Variants in COL23A1 observed in about 807,000 individuals in gnomAD.
The protein encoded by COL23A1 is collagen alpha-1(XXIII) chain.
In COL23A1, 97 loss-of-function variants were observed where a neutral mutation model predicts 99.3. The ratio of observed to expected loss-of-function variants is 0.98; its 90% CI spans 0.83 to 1.16. The LOEUF is 1.16. Among genes scored for constraint, COL23A1 ranks in the 50% most tolerant of loss-of-function variants. The probability of loss-of-function intolerance (pLI) is 0.00; values close to 1 mark genes in which losing one functional copy is unlikely to be tolerated. For missense variants in COL23A1, 762 were observed against 757.4 expected (o/e 1.01, Z -0.07); for synonymous variants, 320 against 308.2 (o/e 1.04, Z -0.40).
At chr5:178,414,411 A>T (rs1105021) in intron 2 of COL23A1, among the ~76,000 whole-genome samples, 517 of 17,732 alleles carry the variant, frequency 0.029, 1 homozygote, top group African/African-American at 0.27. Flanking sequence ...TCCTTTTTTT[A>T]AAAAAAAAAA....
In COL23A1 at chr5:178,253,703, G is replaced by A. The variant is rs1262050068; in HGVS notation, c.961-1106C>T. Among the ~76,000 whole-genome samples, 9 of 151,766 alleles carry A rather than the reference G, an allele frequency of 5.9e-5. 1 individual carries two copies. The highest frequency in any genetic ancestry group is 5.9e-4 in the Admixed American group (9 of 15,262). On this transcript the variant is annotated intron_variant, in intron 16 of 28. Coordinates refer to ENST00000390654, the MANE Select transcript of COL23A1 (RefSeq NM_173465.4). ...TCACTATGTTGGCCATGCTGGTCTC[G>A]AACTCCTCACCTCGTGATCCACCTG...
Position 178,247,550 on chromosome 5 carries a change from G to T in COL23A1, c.1272C>A (p.Gly424=), listed in dbSNP as rs1764769451. The T allele has an allele frequency of 3.1e-6, 5 of 1,614,132 alleles. No homozygotes were observed. The highest frequency in any genetic ancestry group is 2.2e-5 in the East Asian group (1 of 44,872). ...PGPPGPPGPM[G]LQGIQGPKGL... ...CCTTGGGACCCTGGATTCCCTGGAG[G>T]CCCTGCAGGAGGAGGAAGCAGATAA... The change falls in exon 22 of 29, where the codon GGC becomes GGA. Residue 424 remains glycine, a splice_region_variant and synonymous_variant. Transcript: ENST00000390654.
intron 2 of COL23A1, among the ~76,000 whole-genome samples, chr5:178,408,831 T>C (rs978491352): frequency 6.6e-6 from 1 of 151,642 alleles, no homozygotes; most frequent in Non-Finnish European, 1.5e-5. Flanking sequence ...GGCAGGAGCC[T>C]GTAATCCCAG....
intron 1 of COL23A1, among the ~76,000 whole-genome samples, chr5:178,583,077 T>C (rs1763744530): frequency 6.6e-6 from 1 of 152,262 alleles, no homozygotes; most frequent in African/African-American, 2.4e-5. Flanking sequence ...AACCTCTGTC[T>C]GTACATCTCA....
At position 178,286,413 on chromosome 5, in the gene COL23A1, A is replaced by G. The variant is rs115234198; in HGVS notation, c.441+1911T>C. On this transcript the variant is annotated intron_variant, in intron 5 of 28. Coordinates refer to ENST00000390654, the MANE Select transcript of COL23A1 (RefSeq NM_173465.4). ...CTCCGTTCCCAGCCCCGACAGTCAC[A>G]GCGCCCCTTCTCCAGGCCAGGCCCA... Among the ~76,000 whole-genome samples the G allele has an allele frequency of 9.9e-3, 1,508 of 152,212 alleles. 12 individuals are homozygous for G. The highest frequency in any genetic ancestry group is 0.015 in the Non-Finnish European group (993 of 67,994).
intron 2 of COL23A1, among the ~76,000 whole-genome samples, chr5:178,463,734 A>T (rs1041729618): frequency 2.0e-5 from 3 of 152,218 alleles, no homozygotes; most frequent in African/African-American, 7.2e-5. Context: ...CGCGGTGTAA[A>T]CACAGGGGGT....
At chr5:178,535,833 G>C (rs772002592) in intron 2 of COL23A1, among the ~76,000 whole-genome samples, 1 of 152,268 alleles carries the variant, frequency 6.6e-6, no homozygotes, top group Non-Finnish European at 1.5e-5. Flanking sequence ...TGGGCATCCC[G>C]CCATGTGGCC....
intron 2 of COL23A1, among the ~76,000 whole-genome samples, chr5:178,463,435 G>A (rs1368699025): frequency 1.3e-5 from 2 of 152,206 alleles, no homozygotes; most frequent in African/African-American, 4.8e-5. Flanking sequence ...GTCTGGAAAG[G>A]TGTGGGAGTA....
chr5:178,331,023 AC>A lies in COL23A1; in HGVS notation c.362-24105del, dbSNP rs1759988350. 2.6e-5 allele frequency among the ~76,000 whole-genome samples: 4 copies of A among 152,188 alleles called. No homozygotes were observed. In the South Asian group the frequency reaches 6.2e-4, roughly 24 times the overall value. On this transcript the variant is annotated intron_variant, in intron 2 of 28. Coordinates refer to ENST00000390654, the MANE Select transcript of COL23A1 (RefSeq NM_173465.4). ...GAATGCAGACTTCTCAGCCGGATAA[AC>A]CTCGTCTCTCTTATTTCCCAGTGCC... is the stretch of plus-strand genomic sequence containing the variant.
At chr5:178,542,735 CCT>C (rs779681378) in intron 2 of COL23A1, among the ~76,000 whole-genome samples, 37 of 152,090 alleles carry the variant, frequency 2.4e-4, no homozygotes, top group Middle Eastern at 3.2e-3. Flanking sequence ...GGGAGAGTTC[CCT>C]CTCTGACTCC....
At chr5:178,486,785 G>T (rs1329357596) in intron 2 of COL23A1, among the ~76,000 whole-genome samples, 2 of 152,316 alleles carry the variant, frequency 1.3e-5, no homozygotes, top group African/African-American at 4.8e-5. Context: ...CAGTTGGAAG[G>T]CACACTTAAG....
chr5:178,528,812 A>G (rs1424740844), intron 2 of COL23A1, among the ~76,000 whole-genome samples: 3 of 152,254 alleles, frequency 2.0e-5, no homozygotes, highest in African/African-American at 7.2e-5. Flanking sequence ...CTCCATCTCA[A>G]TAAAACAAGT....
At chr5:178,531,174 G>T (rs1390443729) in intron 2 of COL23A1, among the ~76,000 whole-genome samples, 1 of 152,176 alleles carries the variant, frequency 6.6e-6, no homozygotes, top group African/African-American at 2.4e-5. Context: ...GCTGAAATAA[G>T]CATTTTAAGC....
At chr5:178,323,698 G>A (rs1481640379) in intron 2 of COL23A1, among the ~76,000 whole-genome samples, 3 of 152,100 alleles carry the variant, frequency 2.0e-5, no homozygotes, top group Non-Finnish European at 4.4e-5. Flanking sequence ...AGAGCTCTTC[G>A]GAAGACCCTT....
At chr5:178,355,595 CGATCTCGG>C (rs1761599602) in intron 2 of COL23A1, among the ~76,000 whole-genome samples, 1 of 151,942 alleles carries the variant, frequency 6.6e-6, no homozygotes, top group Admixed American at 6.6e-5. Flanking sequence ...TGCAGTGGTG[CGATCTCGG>C]CTCACTGCAA....
intron 2 of COL23A1, among the ~76,000 whole-genome samples, chr5:178,411,396 C>T (rs1053347841): frequency 6.6e-6 from 1 of 151,964 alleles, no homozygotes; most frequent in Admixed American, 6.6e-5. Flanking sequence ...AACCCAAATG[C>T]CCATCAAAAG....
chr5:178,568,683 A>T (rs1239448520), intron 1 of COL23A1, among the ~76,000 whole-genome samples: 1 of 152,198 alleles, frequency 6.6e-6, no homozygotes, highest in African/African-American at 2.4e-5. Flanking sequence ...AATCAACACC[A>T]CTTGTGATTT....
At chr5:178,394,125 G>T (rs1764106513) in intron 2 of COL23A1, among the ~76,000 whole-genome samples, 1 of 152,238 alleles carries the variant, frequency 6.6e-6, no homozygotes, top group African/African-American at 2.4e-5. Flanking sequence ...GCTTCAGGGA[G>T]GAAGCAGAGG....
At chr5:178,419,734 AG>A (rs1295362709) in intron 2 of COL23A1, among the ~76,000 whole-genome samples, 1 of 152,228 alleles carries the variant, frequency 6.6e-6, no homozygotes, top group Non-Finnish European at 1.5e-5. Context: ...CTAGCTTAAT[AG>A]GCAGGCAAAA....
Sources: gnomAD v4.1 joint callset for allele counts (sites outside exome capture counted in the v4.1 genomes callset) on GRCh38, gnomAD v4.1.1 for gene constraint, MANE v1.5 for transcripts, NCBI Gene and HGNC (gene_info 2026-07-23, HGNC 2026-07-21) for gene names.